The following FRMPD4 variants were observed in gnomAD, a reference collection of about 807,000 sequenced individuals.
FRMPD4 encodes the protein FERM and PDZ domain containing 4.
A neutral mutation model predicts 94.1 loss-of-function variants in FRMPD4; 22 were observed. That is an observed-to-expected ratio of 0.23 (90% CI 0.17 to 0.33). The LOEUF is 0.33. Among genes scored for constraint, FRMPD4 ranks in the 10% least tolerant of loss-of-function variants. The probability of loss-of-function intolerance (pLI) is 1.00; values close to 1 mark genes in which losing one functional copy is unlikely to be tolerated. For missense variants in FRMPD4, 1,111 were observed against 1,339.9 expected, an observed-to-expected ratio of 0.83 and a Z score of 2.67; for synonymous variants, 631 against 548.6, an observed-to-expected ratio of 1.15 and a Z score of -2.10.
intron 1 of FRMPD4, among the ~76,000 whole-genome samples, chrX:12,412,897 GCAGGAC>G (rs1233197532): frequency 2.7e-5 from 3 of 111,817 alleles, no homozygotes; most frequent in Non-Finnish European, 5.6e-5. Context: ...GGTCCTGGTA[GCAGGAC>G]ATAGACATAA....
intron 2 of FRMPD4, among the ~76,000 whole-genome samples, chrX:11,869,603 G>C (rs2053744556): frequency 9.0e-6 from 1 of 111,423 alleles, no homozygotes; most frequent in Admixed American, 9.5e-5. Flanking sequence ...GAAAATAATA[G>C]TAATGTTAAA....
chrX:12,374,769 T>C (rs2056212104), intron 1 of FRMPD4, among the ~76,000 whole-genome samples: 1 of 111,353 alleles, frequency 9.0e-6, no homozygotes, highest in Non-Finnish European at 1.9e-5. Context: ...TGGGGGCCAG[T>C]ATGCATCCAG....
At chrX:12,660,193 T>C (rs1472026686) in intron 4 of FRMPD4, among the ~76,000 whole-genome samples, 2 of 112,411 alleles carry the variant, frequency 1.8e-5, no homozygotes, top group African/African-American at 6.5e-5. Context: ...ATTCAAGTCG[T>C]TGGTTATATG....
intron 1 of FRMPD4, among the ~76,000 whole-genome samples, chrX:11,854,747 G>T (rs2053644491): frequency 8.9e-6 from 1 of 112,750 alleles, no homozygotes; most frequent in African/African-American, 3.2e-5. Context: ...CACCCCCGTG[G>T]CTTTGCAGGG....
At chrX:12,695,533 T>C (rs931861812) in intron 9 of FRMPD4, among the ~76,000 whole-genome samples, 12 of 110,436 alleles carry the variant, frequency 1.1e-4, no homozygotes, top group Non-Finnish European at 2.1e-4. Context: ...GCCTCCCAAG[T>C]AGTTGGGATT....
At chrX:12,548,639 G>GT (rs151298973) in intron 2 of FRMPD4, among the ~76,000 whole-genome samples, 2 of 112,304 alleles carry the variant, frequency 1.8e-5, no homozygotes, top group Non-Finnish European at 3.8e-5. Flanking sequence ...CATTTCCAAT[G>GT]TTTTTTTCCA....
At chrX:11,963,387 TA>T (rs1056981731) in intron 3 of FRMPD4, among the ~76,000 whole-genome samples, 2 of 112,489 alleles carry the variant, frequency 1.8e-5, no homozygotes, top group African/African-American at 6.5e-5. Flanking sequence ...CCATGTCCTA[TA>T]AATTAGTAGA....
At chrX:12,613,418 G>A (rs2059202501) in intron 3 of FRMPD4, among the ~76,000 whole-genome samples, 1 of 112,243 alleles carries the variant, frequency 8.9e-6, no homozygotes, top group South Asian at 3.7e-4. Context: ...ACCTGTGTAA[G>A]CCTCAATTAT....
chrX:12,322,845 A>G (rs1461554598), intron 1 of FRMPD4, among the ~76,000 whole-genome samples: 5 of 111,755 alleles, frequency 4.5e-5, no homozygotes, highest in African/African-American at 1.3e-4. Flanking sequence ...TTCATTTATT[A>G]TCAAATTTCA....
intron 3 of FRMPD4, among the ~76,000 whole-genome samples, chrX:12,118,791 T>A (rs1379157870): frequency 8.9e-6 from 1 of 112,235 alleles, no homozygotes; most frequent in African/African-American, 3.2e-5. Context: ...GGAATCAAAA[T>A]GCAGCCAAGC....
chrX:11,880,696 A>G (rs1178492816), intron 3 of FRMPD4, among the ~76,000 whole-genome samples: 1 of 111,701 alleles, frequency 9.0e-6, no homozygotes, highest in African/African-American at 3.3e-5. Context: ...AGGCTGGAAT[A>G]CAGTGGCACA....
chrX:12,671,590 T>TG (rs1311345679), intron 4 of FRMPD4, among the ~76,000 whole-genome samples: 4 of 109,353 alleles, frequency 3.7e-5, no homozygotes, highest in Admixed American at 9.8e-5. Flanking sequence ...TGTTGGGTGG[T>TG]GGGGGGCTAG....
intron 2 of FRMPD4, among the ~76,000 whole-genome samples, chrX:12,587,473 G>T (rs2058941695): frequency 9.1e-6 from 1 of 110,384 alleles, no homozygotes; most frequent in East Asian, 2.8e-4. Context: ...CCACTAATCT[G>T]CTGTCTCCAT....
At chrX:12,368,809 G>A (rs934867579) in intron 1 of FRMPD4, among the ~76,000 whole-genome samples, 3 of 111,620 alleles carry the variant, frequency 2.7e-5, no homozygotes, top group Non-Finnish European at 3.8e-5. Context: ...AACCTGGGAG[G>A]TGGATGTTGC....
chrX:12,666,334 G>C (rs1023731014), intron 4 of FRMPD4, among the ~76,000 whole-genome samples: 1 of 111,141 alleles, frequency 9.0e-6, no homozygotes, highest in Non-Finnish European at 1.9e-5. Context: ...AATAGTGGGA[G>C]ACTTTAACAC....
At chrX:11,952,149 C>T (rs1037424496) in intron 3 of FRMPD4, among the ~76,000 whole-genome samples, 1 of 112,658 alleles carries the variant, frequency 8.9e-6, no homozygotes, top group African/African-American at 3.2e-5. Flanking sequence ...GCCTTAGGCA[C>T]TATGCCTCCT....
chrX:12,515,376 T>G (rs939882077), intron 2 of FRMPD4, among the ~76,000 whole-genome samples: 1 of 110,560 alleles, frequency 9.0e-6, no homozygotes, highest in Non-Finnish European at 1.9e-5. Flanking sequence ...GTCCCAGAGA[T>G]TCTGGTATGT....
chrX:12,007,797 A>T (rs964559215), intron 3 of FRMPD4, among the ~76,000 whole-genome samples: 3 of 112,272 alleles, frequency 2.7e-5, no homozygotes, highest in Non-Finnish European at 5.6e-5. Context: ...GGTCCTCTAT[A>T]TCCCCACTTA....
rs1460455129 is a variant in FRMPD4, at chrX:12,718,038, G to A, written c.3212G>A (p.Arg1071Gln). Residue 1071 changes from arginine to glutamine, a missense_variant, in exon 16 of 17, where the codon CGA becomes CAA. Transcript: ENST00000675598. The stretch of plus-strand genomic sequence containing the variant: ...GGTAAATTTGGTACTGTGTCTTCAC[G>A]AGACAGTCAACACCTGAGCACTTTT... ...ASGKFGTVSS[R>Q]DSQHLSTFNL... 2.5e-6 allele frequency: 3 copies of A among 1,210,214 alleles called. No homozygotes were observed. The highest frequency in any genetic ancestry group is 2.2e-5 in the Admixed American group (1 of 45,943).
Sources: gnomAD v4.1 joint callset for allele counts (sites outside exome capture counted in the v4.1 genomes callset) on GRCh38, gnomAD v4.1.1 for gene constraint, MANE v1.5 for transcripts, NCBI Gene and HGNC (gene_info 2026-07-23, HGNC 2026-07-21) for gene names.